The following PARD3B variants were observed in gnomAD, a reference collection of about 807,000 sequenced individuals.
PARD3B encodes partitioning defective 3 homolog B.
A neutral mutation model predicts 130.2 loss-of-function variants in PARD3B; 103 were observed. The observed-to-expected ratio is 0.79, with a 90% CI of 0.67 to 0.93. The LOEUF (loss-of-function observed/expected upper bound fraction) is 0.93. Among genes scored for constraint, PARD3B ranks in the 40% least tolerant of loss-of-function variants. The probability of loss-of-function intolerance (pLI) is 0.00; values close to 1 mark genes in which losing one functional copy is unlikely to be tolerated. For missense variants in PARD3B, 1,609 were observed against 1,499.2 expected, an observed-to-expected ratio of 1.07 and a Z score of -1.21; for synonymous variants, 583 against 553.2, an observed-to-expected ratio of 1.05 and a Z score of -0.76.
At chr2:205,378,034 G>A (rs1398482400) in intron 18 of PARD3B, among the ~76,000 whole-genome samples, 1 of 152,112 alleles carries the variant, frequency 6.6e-6, no homozygotes, top group East Asian at 1.9e-4. Context: ...GCCTCCCAAA[G>A]TGCTGGGATT....
chr2:205,379,799 G>A (rs950651150), intron 18 of PARD3B, among the ~76,000 whole-genome samples: 5 of 152,048 alleles, frequency 3.3e-5, no homozygotes, highest in African/African-American at 1.2e-4. Flanking sequence ...GCCAGGTGCA[G>A]TGGCTCACAC....
intron 16 of PARD3B, among the ~76,000 whole-genome samples, chr2:205,275,324 A>C (rs2040896280): frequency 6.6e-6 from 1 of 152,220 alleles, no homozygotes; most frequent in Admixed American, 6.5e-5. Flanking sequence ...TTAGTCTCTG[A>C]AAAGCACATT....
At chr2:205,603,783 G>C (rs902133951) in intron 22 of PARD3B, among the ~76,000 whole-genome samples, 11 of 152,120 alleles carry the variant, frequency 7.2e-5, no homozygotes, top group Non-Finnish European at 1.6e-4. Flanking sequence ...AGAATACAAT[G>C]GGTCTTGACT....
intron 15 of PARD3B, 53 bp downstream of exon 15, chr2:205,193,373 A>C (rs1248027968): frequency 3.0e-5 from 40 of 1,325,844 alleles, no homozygotes; most frequent in Non-Finnish European, 4.3e-5. Context: ...CAGCCCATTT[A>C]TCTTCCCAAA....
intron 21 of PARD3B, among the ~76,000 whole-genome samples, chr2:205,544,507 T>C (rs1354142469): frequency 6.6e-6 from 1 of 152,044 alleles, no homozygotes; most frequent in African/African-American, 2.4e-5. Context: ...ATTTGTAAAA[T>C]TGTATCCACA....
chr2:205,371,036 T>A (rs577713322), intron 18 of PARD3B, among the ~76,000 whole-genome samples: 1 of 152,332 alleles, frequency 6.6e-6, no homozygotes, highest in Non-Finnish European at 1.5e-5. Flanking sequence ...GCTTGGCTTC[T>A]GTTGGTACCA....
intron 22 of PARD3B, among the ~76,000 whole-genome samples, chr2:205,581,887 G>A (rs904755268): frequency 9.9e-5 from 15 of 152,164 alleles, no homozygotes; most frequent in African/African-American, 3.6e-4. Flanking sequence ...CAACGTTTGT[G>A]GATGGGTTTG....
Position 205,057,518 on chromosome 2 carries a change from C to CATATATGTGT in PARD3B, c.504+9830_504+9831insATATGTGTAT, listed in dbSNP as rs1559397099. ...GTATATATACATATATGTGTATGTG[C>CATATATGTGT]ATGTGTATATATACATATATGTATA... is the stretch of plus-strand genomic sequence containing the variant. On this transcript the variant is annotated intron_variant, in intron 4 of 22. Coordinates refer to ENST00000406610, the MANE Select transcript of PARD3B (RefSeq NM_001302769.2). Among the ~76,000 whole-genome samples, 7 of 133,864 alleles carry CATATATGTGT rather than the reference C, an allele frequency of 5.2e-5. 3 individuals carry two copies. The highest frequency in any genetic ancestry group is 2.0e-4 in the African/African-American group (7 of 35,526). 87.8% of individuals were successfully genotyped at this position (133,864 alleles called of 152,430 possible).
At chr2:205,343,687 C>CAA in intron 18 of PARD3B, among the ~76,000 whole-genome samples, 1 of 152,300 alleles carries the variant, frequency 6.6e-6, no homozygotes, top group Non-Finnish European at 1.5e-5. Flanking sequence ...TCACCCTGGC[C>CAA]TGGCTCACAG....
At chr2:204,958,651 T>C (rs1690479393) in intron 2 of PARD3B, among the ~76,000 whole-genome samples, 1 of 152,112 alleles carries the variant, frequency 6.6e-6, no homozygotes, top group Non-Finnish European at 1.5e-5. Flanking sequence ...AGGATAGCTA[T>C]GGTAGGAAAA....
At chr2:205,193,856 C>T (rs534138145) in intron 15 of PARD3B, among the ~76,000 whole-genome samples, 4 of 152,322 alleles carry the variant, frequency 2.6e-5, no homozygotes, top group South Asian at 2.1e-4. Context: ...GGAAAAGGGT[C>T]TCTTGGGCGT....
intron 2 of PARD3B, among the ~76,000 whole-genome samples, chr2:204,945,491 A>G (rs1291442664): frequency 6.6e-6 from 1 of 152,204 alleles, no homozygotes; most frequent in Non-Finnish European, 1.5e-5. Flanking sequence ...TAGAACAGAA[A>G]AGGAACACAG....
chr2:205,396,477 A>G (rs919112816), intron 18 of PARD3B, among the ~76,000 whole-genome samples: 7 of 152,226 alleles, frequency 4.6e-5, no homozygotes, highest in African/African-American at 1.2e-4. Flanking sequence ...TATGACCTCT[A>G]TAGAAATGAA....
chr2:204,752,191 G>C (rs2040491205), intron 2 of PARD3B, among the ~76,000 whole-genome samples: 2 of 152,116 alleles, frequency 1.3e-5, no homozygotes, highest in African/African-American at 4.8e-5. Context: ...TTAAAAGTGT[G>C]GATTTTGGAG....
chr2:205,180,058 A>G (rs190746476), intron 13 of PARD3B, among the ~76,000 whole-genome samples: 3 of 152,148 alleles, frequency 2.0e-5, no homozygotes, highest in Admixed American at 2.0e-4. Flanking sequence ...CAATTTTTAC[A>G]TCAGTGAAAA....
intron 4 of PARD3B, among the ~76,000 whole-genome samples, chr2:205,083,820 A>G (rs912367130): frequency 3.3e-5 from 5 of 152,124 alleles, no homozygotes; most frequent in African/African-American, 1.2e-4. Context: ...ACACAAAAAT[A>G]GATTAGTATA....
chr2:204,620,725 C>T (rs2034269610), intron 1 of PARD3B, among the ~76,000 whole-genome samples: 1 of 152,154 alleles, frequency 6.6e-6, no homozygotes, highest in South Asian at 2.1e-4. Flanking sequence ...TGTAGGTTAG[C>T]TGTGTAGGCA....
At chr2:204,990,986 C>T (rs900665411) in intron 3 of PARD3B, among the ~76,000 whole-genome samples, 1 of 152,048 alleles carries the variant, frequency 6.6e-6, no homozygotes, top group Non-Finnish European at 1.5e-5. Flanking sequence ...TACAGGAACA[C>T]ACAGCTATTA....
At chr2:205,008,073 A>C (rs1695423556) in intron 3 of PARD3B, among the ~76,000 whole-genome samples, 1 of 152,176 alleles carries the variant, frequency 6.6e-6, no homozygotes, top group Non-Finnish European at 1.5e-5. Context: ...ACAAAAACTA[A>C]AAGAAGAGTG....
Sources: allele counts gnomAD v4.1 joint callset (sites outside exome capture counted in the v4.1 genomes callset), GRCh38; gene constraint gnomAD v4.1.1; transcripts MANE v1.5; gene names NCBI Gene and HGNC (gene_info 2026-07-23, HGNC 2026-07-21).